Variants in GANC observed in about 807,000 individuals in gnomAD.
The protein encoded by GANC is glucosidase alpha, neutral C.
In GANC, 117 loss-of-function variants were observed where a neutral mutation model predicts 124.2. The observed-to-expected ratio is 0.94, with a 90% CI of 0.81 to 1.10. The LOEUF (loss-of-function observed/expected upper bound fraction) is 1.10, where lower values mean the gene tolerates loss of function less well. Among genes scored for constraint, GANC ranks in the 50% least tolerant of loss-of-function variants. GANC has a pLI of 0.00. For synonymous variants in GANC, 377 were observed against 376.8 expected (o/e 1.00, Z -0.01); for missense variants, 1,140 against 1,095.0 (o/e 1.04, Z -0.58).
At chr15:42,306,211 G>T (rs1407795079) in intron 6 of GANC, among the ~76,000 whole-genome samples, 3 of 152,030 alleles carry the variant, frequency 2.0e-5, no homozygotes, top group African/African-American at 7.2e-5. Context: ...ATTTTTAGTA[G>T]TTCAATAGTT....
chr15:42,286,908 T>C (rs2051794567), intron 3 of GANC, among the ~76,000 whole-genome samples: 1 of 152,224 alleles, frequency 6.6e-6, no homozygotes, highest in Non-Finnish European at 1.5e-5. Flanking sequence ...TGCAATTGAC[T>C]AGTGTGGCAT....
chr15:42,278,383 A>G, intron 2 of GANC, 99 bp from the exon 3 acceptor site: 1 of 761,296 alleles, frequency 1.3e-6, no homozygotes, highest in Non-Finnish European at 2.2e-6. Flanking sequence ...TTCACTGAAT[A>G]TCATAGTGAA....
At chr15:42,347,382 T>G (rs1169308085) in intron 20 of GANC, among the ~76,000 whole-genome samples, 1 of 152,176 alleles carries the variant, frequency 6.6e-6, no homozygotes, top group Non-Finnish European at 1.5e-5. Flanking sequence ...AGCCCTTCTC[T>G]GACACAGGCA....
intron 15 of GANC, among the ~76,000 whole-genome samples, chr15:42,332,379 A>G (rs2052252988): frequency 6.6e-6 from 1 of 152,216 alleles, no homozygotes; most frequent in African/African-American, 2.4e-5. Context: ...TTAAAAAAAG[A>G]TAACAGAAGA....
Position 42,329,452 on chromosome 15 carries a change from A to T in GANC, c.1644+3A>T. On this transcript the variant is annotated splice_donor_region_variant and intron_variant, in intron 14 of 23. Transcript: ENST00000318010. ...ACAACATCTACGGTTTTTATCATGT[A>T]AGACATCCAAAAAGAATTAAACTGG... 1 of 1,604,056 alleles carries T rather than the reference A, an allele frequency of 6.2e-7. No individual in the cohort carries two copies. The highest frequency in any genetic ancestry group is 8.5e-7 in the Non-Finnish European group (1 of 1,176,732).
At chr15:42,345,219 A>C (rs1021340654) in intron 19 of GANC, among the ~76,000 whole-genome samples, 1 of 152,092 alleles carries the variant, frequency 6.6e-6, no homozygotes, top group Non-Finnish European at 1.5e-5. Context: ...TGTTTAAAAA[A>C]AAAAAAAAGA....
chr15:42,279,072 A>G (rs2051705579), intron 3 of GANC, among the ~76,000 whole-genome samples: 1 of 152,244 alleles, frequency 6.6e-6, no homozygotes, highest in South Asian at 2.1e-4. Flanking sequence ...AGGTATATGA[A>G]TATAAGTATA....
chr15:42,281,767 G>T (rs1004242680), intron 3 of GANC, among the ~76,000 whole-genome samples: 1 of 152,196 alleles, frequency 6.6e-6, no homozygotes, highest in Non-Finnish European at 1.5e-5. Context: ...TTAAAAAATT[G>T]TGAAGGCTGT....
At chr15:42,331,809 CTTTT>C (rs767098233) in intron 15 of GANC, among the ~76,000 whole-genome samples, 151 of 151,600 alleles carry the variant, frequency 1.0e-3, no homozygotes, top group African/African-American at 3.5e-3. Context: ...AATTTTTTTT[CTTTT>C]TTTAATTTTC....
rs2141090923 is a variant in GANC at position 42,352,410 on chromosome 15, T to C, written c.*271T>C. On this transcript the variant is annotated 3_prime_UTR_variant, in exon 24 of 24. Transcript: ENST00000318010. ...GAGACATTTATAGCGTTCAGGAGTC[T>C]TCTATTGCTTCCATTCCTTCAGCAG... is the stretch of plus-strand genomic sequence containing the variant. 1 of 1,169,984 alleles carries C rather than the reference T, an allele frequency of 8.5e-7. No homozygotes were observed. Among genetic ancestry groups the C allele is most frequent in the African/African-American group, 1.6e-5 (1 of 63,518 alleles). 72.5% of individuals were successfully genotyped at this position (1,169,984 alleles called of 1,614,324 possible). A position where few individuals can be genotyped will look rare whatever the true frequency, so the allele number is the denominator to read the frequency against.
At position 42,273,537 on chromosome 15, in the gene GANC, C is replaced by T; in HGVS notation, c.-945C>T. On this transcript the variant is annotated 5_prime_UTR_variant, in exon 1 of 24. Transcript: ENST00000318010. Reference sequence around the variant, plus strand: ...GCTTGTTTGCTGTGCGGCGTAGCGGCCCCTCTCTCAGACAGTCGTCTGTGC... The same window carrying T: ...GCTTGTTTGCTGTGCGGCGTAGCGGTCCCTCTCTCAGACAGTCGTCTGTGC... 2 of 1,421,058 alleles carry T rather than the reference C, an allele frequency of 1.4e-6. No homozygotes were observed. The highest frequency in any genetic ancestry group is 1.4e-5 in the South Asian group (1 of 73,182). The allele number at this position is 1,421,058 out of a possible 1,614,324, so 88.0% of individuals were successfully genotyped here. A position where few individuals can be genotyped will look rare whatever the true frequency, so the allele number is the denominator to read the frequency against.
chr15:42,313,125 T>G (rs2052069306), intron 10 of GANC, among the ~76,000 whole-genome samples: 2 of 152,244 alleles, frequency 1.3e-5, no homozygotes, highest in Non-Finnish European at 2.9e-5. Context: ...TCATGACCAT[T>G]CGATGAAGAA....
intron 22 of GANC, among the ~76,000 whole-genome samples, chr15:42,349,847 C>T (rs182646510): frequency 6.6e-6 from 1 of 151,822 alleles, no homozygotes; most frequent in African/African-American, 2.4e-5. Context: ...CGGGGTTTCA[C>T]CATGTTAGCT....
intron 15 of GANC, 82 bp downstream of exon 15, chr15:42,330,754 T>C (rs1001821674): frequency 3.4e-5 from 27 of 785,826 alleles, no homozygotes; most frequent in Middle Eastern, 4.7e-4. Flanking sequence ...GTTACTGTGC[T>C]GATGCCTTCC....
In GANC at chr15:42,310,462, A is replaced by G. The variant is rs751537048; in HGVS notation, c.902A>G (p.Glu301Gly). The G allele has an allele frequency of 5.0e-6, 8 of 1,592,798 alleles. No individual in the cohort carries two copies. Among genetic ancestry groups the G allele is most frequent in the Non-Finnish European group, 6.9e-6 (8 of 1,167,764 alleles). ...GAGATCAATACAGAGCCTGCAGTAG[A>G]GGTGAGCTATTTATCATGGCTACAT... Reference protein sequence around the residue: ...LVEINTEPAVEYTLTQMGPVA... With the variant: ...LVEINTEPAVGYTLTQMGPVA... The change falls in exon 9 of 24, where the codon GAG becomes GGG. Residue 301 changes from glutamate (E) to glycine (G), a missense_variant and splice_region_variant. Coordinates refer to ENST00000318010, the MANE Select transcript of GANC (RefSeq NM_198141.3).
chr15:42,275,825 T>C (rs915985069), intron 1 of GANC, among the ~76,000 whole-genome samples: 6 of 152,232 alleles, frequency 3.9e-5, no homozygotes, highest in African/African-American at 1.4e-4. Flanking sequence ...AAAGCATTTG[T>C]CAGCTTGTAT....
In GANC at chr15:42,338,410, A is replaced by G. The variant is rs752110414; in HGVS notation, c.1763A>G (p.Asn588Ser). 16 of 1,613,930 alleles carry G rather than the reference A, an allele frequency of 9.9e-6. No individual in the cohort carries two copies. The highest frequency in any genetic ancestry group is 1.4e-5 in the Non-Finnish European group (16 of 1,179,910). Residue 588 changes from asparagine (N) to serine (S), a missense_variant, in exon 16 of 24, where the codon AAC becomes AGC. Transcript: ENST00000318010. ...QKYGAVWTGD[N>S]TAEWSNLKIS... is the part of the protein sequence containing the mutation. ...AAAGGTGCCGTGTGGACAGGCGACA[A>G]CACAGCAGAATGGAGCAACTTGAAA...
intron 10 of GANC, among the ~76,000 whole-genome samples, chr15:42,315,952 CT>C (rs2052097308): frequency 6.6e-6 from 1 of 152,034 alleles, no homozygotes; most frequent in Admixed American, 6.6e-5. Flanking sequence ...GAGCCAGTTA[CT>C]TTAAATAAAT....
intron 13 of GANC, 112 bp downstream of exon 13, chr15:42,327,554 C>A: frequency 1.1e-6 from 1 of 913,906 alleles, no homozygotes; most frequent in Non-Finnish European, 1.7e-6. Context: ...ATATATAATG[C>A]TTTTATTAAA....
Sources: gnomAD v4.1 joint callset for allele counts (sites outside exome capture counted in the v4.1 genomes callset) on GRCh38, gnomAD v4.1.1 for gene constraint, MANE v1.5 for transcripts, NCBI Gene and HGNC (gene_info 2026-07-23, HGNC 2026-07-21) for gene names.